Variants in PARP16 observed in about 807,000 individuals in gnomAD.
PARP16 encodes protein mono-ADP-ribosyltransferase PARP16.
Under a neutral mutation model 35.0 loss-of-function variants are expected in PARP16, and 31 were observed. The ratio of observed to expected loss-of-function variants is 0.88; its 90% confidence interval spans 0.66 to 1.19. The LOEUF (loss-of-function observed/expected upper bound fraction) is 1.19. PARP16 is among the 50% of genes most tolerant of loss of function. The probability of loss-of-function intolerance (pLI) is 0.00; values close to 1 mark genes in which losing one functional copy is unlikely to be tolerated. For synonymous variants in PARP16, 162 were observed against 169.5 expected, an observed-to-expected ratio of 0.96 and a Z score of 0.34; for missense variants, 424 against 411.2, an observed-to-expected ratio of 1.03 and a Z score of -0.27.
At position 65,258,177 on chromosome 15, in the gene PARP16, C is replaced by T. The variant is rs928535810; in HGVS notation, c.*1230G>A. On this transcript the variant is annotated 3_prime_UTR_variant, in exon 6 of 6. Coordinates refer to ENST00000649807, the MANE Select transcript of PARP16 (RefSeq NM_001316943.2). ...AACTGTGGTAGTGGCTCTTTCACAA[C>T]TTTACAAATTATAGAAAAATGATTT... is the stretch of plus-strand genomic sequence containing the variant. The T allele has an allele frequency of 6.6e-6, 1 of 152,204 alleles. No individual in the cohort carries two copies. Among genetic ancestry groups the T allele is most frequent in the Non-Finnish European group, 1.5e-5 (1 of 68,036 alleles). The allele number at this position is 152,204 out of a possible 1,614,324, so 9.4% of individuals were successfully genotyped here.
downstream of PARP16, among the ~76,000 whole-genome samples, chr15:65,232,406 G>T (rs188535637): frequency 4.6e-5 from 7 of 152,166 alleles, no homozygotes; most frequent in Non-Finnish European, 8.8e-5. Context: ...ATCTATGGTG[G>T]GAACATTTAC....
downstream of PARP16, among the ~76,000 whole-genome samples, chr15:65,254,817 C>A (rs1052210986): frequency 6.6e-6 from 1 of 152,146 alleles, no homozygotes; most frequent in Admixed American, 6.5e-5. Context: ...GTTTTGTAGG[C>A]AATCAGTGTT....
exon 3 of PARP16, chr15:65,248,200 CCA>C (rs1448229086): frequency 2.2e-6 from 1 of 456,340 alleles, no homozygotes; most frequent in African/African-American, 2.0e-5. Context: ...TTTACTCTGG[CCA>C]CAGACACCTC....
At chr15:65,282,679 C>A (rs2090455793) in intron 1 of PARP16, 1 of 152,238 alleles carries the variant, frequency 6.6e-6, no homozygotes, top group Admixed American at 6.5e-5. Flanking sequence ...ATGCGTGTTT[C>A]TCCAGTAGCC....
At chr15:65,264,277 A>G (rs1317443030) in intron 3 of PARP16, among the ~76,000 whole-genome samples, 1 of 152,190 alleles carries the variant, frequency 6.6e-6, no homozygotes, top group Non-Finnish European at 1.5e-5. Context: ...CAGCACAGTA[A>G]TATCAAGCAT....
chr15:65,286,475 GGC>G lies in PARP16; in HGVS notation c.-51_-50del. On this transcript the variant is annotated 5_prime_UTR_variant, in exon 1 of 6. Transcript: ENST00000649807. ...GGTAGACGCGCTGGTTAGGGGCAAG[GGC>G]GAGCGTGCGTTCAGCGCGGGGGCTG... The G allele has an allele frequency of 7.4e-7, 1 of 1,354,442 alleles. No individual in the cohort carries two copies. The allele number at this position is 1,354,442 out of a possible 1,614,324, so 83.9% of individuals were successfully genotyped here.
intron 1 of PARP16, among the ~76,000 whole-genome samples, chr15:65,271,649 T>C (rs2090098843): frequency 6.6e-6 from 1 of 152,180 alleles, no homozygotes; most frequent in Non-Finnish European, 1.5e-5. Context: ...AATCTTTACC[T>C]ATCCCCTTCC....
At position 65,260,751 on chromosome 15, in the gene PARP16, C is replaced by G. The variant is rs187494682; in HGVS notation, c.833+134G>C. On this transcript the variant is annotated intron_variant, in intron 5 of 5. Transcript: ENST00000649807. ...CCAGATCCTATCTCTCACTTCTCAC[C>G]GTGTCCAGCATGGTGCTTTACATAC... The G allele has an allele frequency of 2.2e-4, 163 of 743,568 alleles. 1 individual carries two copies. The Admixed American group carries it at 3.4e-3, about 16-fold the overall frequency. 46.1% of individuals were successfully genotyped at this position (743,568 alleles called of 1,614,324 possible).
At chr15:65,276,506 T>C (rs1334925563) in intron 1 of PARP16, among the ~76,000 whole-genome samples, 1 of 152,054 alleles carries the variant, frequency 6.6e-6, no homozygotes, top group Non-Finnish European at 1.5e-5. Context: ...CCAGAGTAGC[T>C]GGGACTAAAG....
At chr15:65,277,419 T>A (rs962385327) in intron 1 of PARP16, among the ~76,000 whole-genome samples, 1 of 152,176 alleles carries the variant, frequency 6.6e-6, no homozygotes, top group South Asian at 2.1e-4. Context: ...TTACCCTGGA[T>A]CCCCATGCCA....
chr15:65,265,598 T>G (rs556316798), intron 3 of PARP16, among the ~76,000 whole-genome samples: 1 of 152,268 alleles, frequency 6.6e-6, no homozygotes, highest in Admixed American at 6.5e-5. Flanking sequence ...TCTTGGCATA[T>G]CCCTCAGTTT....
chr15:65,265,430 G>GT (rs2089857788), intron 3 of PARP16, among the ~76,000 whole-genome samples: 1 of 152,206 alleles, frequency 6.6e-6, no homozygotes, highest in South Asian at 2.1e-4. Context: ...GAGCTGCTAA[G>GT]TAAGTCTCTG....
At chr15:65,282,307 C>T (rs1029067868) in intron 1 of PARP16, among the ~76,000 whole-genome samples, 1 of 152,204 alleles carries the variant, frequency 6.6e-6, no homozygotes, top group Non-Finnish European at 1.5e-5. Flanking sequence ...CCGTGCCCAG[C>T]CAAGAGACTT....
At chr15:65,240,323 AGTGTGTGTGTGT>A (rs34811236) in intron 3 of PARP16, among the ~76,000 whole-genome samples, 118 of 126,124 alleles carry the variant, frequency 9.4e-4, no homozygotes, top group South Asian at 2.9e-3. Context: ...GGGGGGGGCT[AGTGTGTGTGTGT>A]GTGTGTGTGT....
At position 65,286,323 on chromosome 15, in the gene PARP16, T is replaced by G; in HGVS notation, c.104A>C (p.Lys35Thr). The G allele has an allele frequency of 6.2e-7, 1 of 1,604,600 alleles. No homozygotes were observed. The highest frequency in any genetic ancestry group is 8.5e-7 in the Non-Finnish European group (1 of 1,176,856). Residue 35 changes from lysine (K) to threonine (T), a missense_variant, in exon 1 of 6, where the codon AAG (lysine) becomes ACG (threonine). Coordinates refer to ENST00000649807, the MANE Select transcript of PARP16 (RefSeq NM_001316943.2). Reference protein sequence around the residue: ...SLFASALQSYKRDSVLRPFPA... With the variant: ...SLFASALQSYTRDSVLRPFPA... ...GAAGGGCCGCAGCACCGAGTCGCGCTTGTAGCTCTGCAGGGCCGAGGCGAA... is the reference window on the plus strand; with the variant it reads ...GAAGGGCCGCAGCACCGAGTCGCGCGTGTAGCTCTGCAGGGCCGAGGCGAA...
At chr15:65,267,726 G>A (rs1470472566) in intron 2 of PARP16, among the ~76,000 whole-genome samples, 17 of 94,716 alleles carry the variant, frequency 1.8e-4, no homozygotes, top group Non-Finnish European at 2.9e-4. Context: ...TCGCTCTGTC[G>A]CCCAGGCTGG....
rs1451708804 is a variant in PARP16 at position 65,286,805 on chromosome 15, C to G, written c.-379G>C. ...ACGTGTCCTCCGCGGAGGCCTGGGGCGGGAAGCAGCCCCCGGGGGACGGCG... is the reference window on the plus strand; with the variant it reads ...ACGTGTCCTCCGCGGAGGCCTGGGGGGGGAAGCAGCCCCCGGGGGACGGCG... On this transcript the variant is annotated 5_prime_UTR_variant, in exon 1 of 6. Transcript: ENST00000649807. 5.1e-6 allele frequency: 1 copy of G among 194,342 alleles called. No individual in the cohort carries two copies. The highest frequency in any genetic ancestry group is 1.1e-4 in the East Asian group (1 of 9,008). The allele number at this position is 194,342 out of a possible 1,614,324, so 12.0% of individuals were successfully genotyped here. A position where few individuals can be genotyped will look rare whatever the true frequency, so the allele number is the denominator to read the frequency against.
chr15:65,279,895 T>C (rs886086230), intron 1 of PARP16, among the ~76,000 whole-genome samples: 4 of 151,846 alleles, frequency 2.6e-5, no homozygotes, highest in Non-Finnish European at 5.9e-5. Context: ...TTTTTTTTTT[T>C]CCTTAGTTTC....
intron 1 of PARP16, among the ~76,000 whole-genome samples, chr15:65,276,386 A>T (rs1194262405): frequency 6.6e-6 from 1 of 151,948 alleles, no homozygotes; most frequent in Non-Finnish European, 1.5e-5. Context: ...TGTTTTTTTT[A>T]AAGACGGGAT....
Sources: allele counts gnomAD v4.1 joint callset (sites outside exome capture counted in the v4.1 genomes callset), GRCh38; gene constraint gnomAD v4.1.1; transcripts MANE v1.5; gene names NCBI Gene and HGNC (gene_info 2026-07-23, HGNC 2026-07-21).